Variants in ASIC2 observed in about 807,000 individuals in gnomAD.
ASIC2 encodes the protein acid-sensing ion channel 2.
Under a neutral mutation model 57.3 loss-of-function variants are expected in ASIC2, and 25 were observed. The observed-to-expected ratio is 0.44, with a 90% CI of 0.32 to 0.61. The LOEUF (loss-of-function observed/expected upper bound fraction) is 0.61, where lower values mean the gene tolerates loss of function less well. ASIC2 is among the 20% of genes least tolerant of loss of function. The pLI, the probability that ASIC2 is intolerant of heterozygous loss-of-function variation, is 0.06. For missense variants in ASIC2, 641 were observed against 738.1 expected (o/e 0.87, Z 1.52); for synonymous variants, 319 against 307.5 (o/e 1.04, Z -0.39).
At position 34,032,920 on chromosome 17, in the gene ASIC2, C is replaced by T. The variant is rs567133072; in HGVS notation, c.555+123058G>A. Among the ~76,000 whole-genome samples, 3 of 152,280 alleles carry T rather than the reference C, an allele frequency of 2.0e-5. No individual in the cohort carries two copies. The South Asian group carries it at 6.2e-4, about 32-fold the overall frequency. On this transcript the variant is annotated intron_variant, in intron 1 of 9. Transcript: ENST00000359872. ...ACTCCCACACAATAATAATGGGAGA[C>T]TTTAACACCCCACTGTCAACATTAG...
intron 1 of ASIC2, among the ~76,000 whole-genome samples, chr17:33,222,750 T>C (rs746574139): frequency 6.6e-6 from 1 of 152,238 alleles, no homozygotes; most frequent in Non-Finnish European, 1.5e-5. Flanking sequence ...TATATTTATA[T>C]GTTTCTTAAA....
At chr17:33,920,726 T>C (rs376678156) in intron 1 of ASIC2, among the ~76,000 whole-genome samples, 1 of 152,238 alleles carries the variant, frequency 6.6e-6, no homozygotes, top group Admixed American at 6.5e-5. Context: ...TGAAATTATA[T>C]ATTTTTTTAA....
chr17:33,381,869 T>G (rs760175690), intron 1 of ASIC2, among the ~76,000 whole-genome samples: 11 of 152,190 alleles, frequency 7.2e-5, no homozygotes, highest in Non-Finnish European at 1.5e-4. Context: ...AAATATAAAC[T>G]GTACTTTGTT....
chr17:33,957,905 A>G (rs1904788560), intron 1 of ASIC2, among the ~76,000 whole-genome samples: 1 of 152,206 alleles, frequency 6.6e-6, no homozygotes, highest in South Asian at 2.1e-4. Context: ...ATAAAATCAA[A>G]AGCAAGTTAG....
chr17:33,357,732 T>C (rs1040471332), intron 1 of ASIC2, among the ~76,000 whole-genome samples: 14 of 152,176 alleles, frequency 9.2e-5, no homozygotes, highest in African/African-American at 2.9e-4. Flanking sequence ...CCTGAGTATG[T>C]ATGTGGAGGA....
At chr17:33,482,678 G>A (rs1024805606) in intron 1 of ASIC2, among the ~76,000 whole-genome samples, 3 of 152,176 alleles carry the variant, frequency 2.0e-5, no homozygotes, top group African/African-American at 7.2e-5. Flanking sequence ...TAGACACTGG[G>A]TCTAGGACTT....
At chr17:33,671,750 T>TA (rs2142051573) in intron 1 of ASIC2, among the ~76,000 whole-genome samples, 1 of 152,328 alleles carries the variant, frequency 6.6e-6, no homozygotes, top group East Asian at 1.9e-4. Flanking sequence ...TCAGTGTCTC[T>TA]ATGGCCTGGT....
chr17:33,253,126 T>G (rs1224073955), intron 1 of ASIC2, among the ~76,000 whole-genome samples: 2 of 152,232 alleles, frequency 1.3e-5, no homozygotes, highest in Non-Finnish European at 2.9e-5. Context: ...GTTATCACAG[T>G]AGTCCCACTT....
At chr17:33,257,896 AT>A (rs1481931288) in intron 1 of ASIC2, among the ~76,000 whole-genome samples, 2 of 152,164 alleles carry the variant, frequency 1.3e-5, no homozygotes, top group African/African-American at 4.8e-5. Context: ...CTCTGTTCTT[AT>A]GTTTCCTTGC....
chr17:34,024,337 C>G (rs1464799406), intron 1 of ASIC2, among the ~76,000 whole-genome samples: 1 of 152,188 alleles, frequency 6.6e-6, no homozygotes, highest in Non-Finnish European at 1.5e-5. Flanking sequence ...ATTTCAGATC[C>G]CCCAACACAT....
intron 1 of ASIC2, among the ~76,000 whole-genome samples, chr17:33,966,226 T>C (rs1165938053): frequency 1.3e-5 from 2 of 152,202 alleles, no homozygotes; most frequent in African/African-American, 4.8e-5. Context: ...GGAGCTCTTT[T>C]GGGTGATTTG....
chr17:34,122,728 C>T (rs1459224464), intron 1 of ASIC2, among the ~76,000 whole-genome samples: 7 of 152,190 alleles, frequency 4.6e-5, no homozygotes, highest in Non-Finnish European at 7.4e-5. Flanking sequence ...GGCACCCTCC[C>T]CCACTCACAC....
At chr17:33,441,289 CT>C (rs1193795398) in intron 1 of ASIC2, among the ~76,000 whole-genome samples, 9 of 152,134 alleles carry the variant, frequency 5.9e-5, no homozygotes, top group Admixed American at 5.9e-4. Flanking sequence ...AATGATGCCT[CT>C]TGAAAAACAT....
chr17:34,032,398 C>T (rs980773039), intron 1 of ASIC2, among the ~76,000 whole-genome samples: 1 of 152,226 alleles, frequency 6.6e-6, no homozygotes, highest in African/African-American at 2.4e-5. Context: ...GTACCAGCTG[C>T]TGCAAAAACA....
intron 3 of ASIC2, among the ~76,000 whole-genome samples, chr17:33,053,460 G>A (rs1598254868): frequency 6.6e-6 from 1 of 152,158 alleles, no homozygotes; most frequent in East Asian, 1.9e-4. Context: ...TTCTCCCTTA[G>A]CCTCCACTGG....
intron 1 of ASIC2, among the ~76,000 whole-genome samples, chr17:34,154,306 A>G (rs757526240): frequency 1.1e-4 from 17 of 152,326 alleles, no homozygotes; most frequent in Admixed American, 2.6e-4. Flanking sequence ...GCCACCTAAG[A>G]CATCATTTGT....
chr17:33,602,393 C>T (rs1007653253), intron 1 of ASIC2, among the ~76,000 whole-genome samples: 2 of 152,116 alleles, frequency 1.3e-5, no homozygotes, highest in Admixed American at 1.3e-4. Context: ...GGAGTAGGCT[C>T]CTGATACAAG....
intron 1 of ASIC2, among the ~76,000 whole-genome samples, chr17:33,930,323 A>G (rs1473050045): frequency 6.6e-6 from 1 of 152,230 alleles, no homozygotes; most frequent in Non-Finnish European, 1.5e-5. Context: ...TGTAAGAAGA[A>G]TGTCACTGTC....
intron 1 of ASIC2, among the ~76,000 whole-genome samples, chr17:33,115,056 T>TAG (rs899766921): frequency 7.9e-5 from 12 of 152,134 alleles, no homozygotes; most frequent in Middle Eastern, 3.4e-3. Flanking sequence ...TGGGAGTGAG[T>TAG]AGAGACTTGT....
Sources: allele counts gnomAD v4.1 joint callset (sites outside exome capture counted in the v4.1 genomes callset), GRCh38; gene constraint gnomAD v4.1.1; transcripts MANE v1.5; gene names NCBI Gene and HGNC (gene_info 2026-07-23, HGNC 2026-07-21).